The following EYS variants were observed in gnomAD, a reference collection of about 807,000 sequenced individuals.
The protein encoded by EYS is EGF-like photoreceptor maintenance factor, also known as protein eyes shut homolog.
In EYS, 250 loss-of-function variants were observed where a neutral mutation model predicts 282.1. That is an observed-to-expected ratio of 0.89 (90% CI 0.80 to 0.98). EYS has a LOEUF of 0.98. EYS is among the 50% of genes least tolerant of loss of function. The probability of loss-of-function intolerance (pLI) is 0.00; values close to 1 mark genes in which losing one functional copy is unlikely to be tolerated. For synonymous variants in EYS, 1,355 were observed against 1,282.9 expected (o/e 1.06, Z -1.20); for missense variants, 4,016 against 3,709.0 (o/e 1.08, Z -2.15).
chr6:64,062,146 A>G (rs1771198655), intron 33 of EYS, among the ~76,000 whole-genome samples: 1 of 152,150 alleles, frequency 6.6e-6, no homozygotes, highest in African/African-American at 2.4e-5. Context: ...ATTAAGTTGG[A>G]AAAAGCCGTA....
At chr6:64,039,799 T>C (rs1770298035) in intron 33 of EYS, among the ~76,000 whole-genome samples, 2 of 152,180 alleles carry the variant, frequency 1.3e-5, no homozygotes, top group South Asian at 4.1e-4. Flanking sequence ...TTCTCCACAA[T>C]TTTTAGAAAA....
At chr6:63,930,623 C>T (rs902678424) in intron 35 of EYS, among the ~76,000 whole-genome samples, 1 of 151,974 alleles carries the variant, frequency 6.6e-6, no homozygotes, top group Admixed American at 6.6e-5. Context: ...AAAGAAGAAA[C>T]TTATAAAGAA....
intron 22 of EYS, among the ~76,000 whole-genome samples, chr6:64,709,342 T>C (rs1771132884): frequency 6.6e-6 from 1 of 152,176 alleles, no homozygotes; most frequent in African/African-American, 2.4e-5. Context: ...ATCACTATCC[T>C]AAGCTTAAAA....
intron 22 of EYS, among the ~76,000 whole-genome samples, chr6:64,726,135 C>A (rs1478139756): frequency 8.7e-6 from 1 of 115,014 alleles, no homozygotes. Flanking sequence ...CTCTGCCAAA[C>A]AAAATTCAAC....
intron 35 of EYS, among the ~76,000 whole-genome samples, chr6:63,867,486 A>G (rs1013632844): frequency 1.3e-5 from 2 of 152,148 alleles, no homozygotes; most frequent in East Asian, 1.9e-4. Flanking sequence ...CCAGAGGACC[A>G]TATTTATTTT....
rs565630353 is a variant in EYS at position 65,691,433 on chromosome 6, G to GT, written c.-448+15701dup. On this transcript the variant is annotated intron_variant, in intron 1 of 42. Coordinates refer to ENST00000503581, the MANE Select transcript of EYS (RefSeq NM_001142800.2). ...TGCCTACTTTTTGATAGGGTTGTTT[G>GT]TTTTTTTACTGTAAATTTGTTTAAG... Among the ~76,000 whole-genome samples the GT allele has an allele frequency of 1.9e-3, 290 of 150,242 alleles. 16 individuals carry two copies. The highest frequency in any genetic ancestry group is 3.4e-3 in the Middle Eastern group (1 of 292).
chr6:64,997,357 A>ATAATATT (rs1489887677), intron 14 of EYS, among the ~76,000 whole-genome samples: 1 of 152,166 alleles, frequency 6.6e-6, no homozygotes, highest in Non-Finnish European at 1.5e-5. Flanking sequence ...AGTTTGTTAT[A>ATAATATT]TAATATTTAA....
intron 35 of EYS, among the ~76,000 whole-genome samples, chr6:63,890,683 G>T (rs1435132734): frequency 6.6e-6 from 1 of 152,112 alleles, no homozygotes; most frequent in Non-Finnish European, 1.5e-5. Context: ...AGAATTAAAA[G>T]AACTAGAGAA....
intron 2 of EYS, among the ~76,000 whole-genome samples, chr6:65,638,574 C>T (rs1767170181): frequency 6.6e-6 from 1 of 152,200 alleles, no homozygotes; most frequent in Non-Finnish European, 1.5e-5. Flanking sequence ...CTCATCCAGA[C>T]ACAGGTGCCC....
At chr6:63,953,386 C>A (rs1415670686) in intron 35 of EYS, among the ~76,000 whole-genome samples, 2 of 152,262 alleles carry the variant, frequency 1.3e-5, no homozygotes, top group East Asian at 3.9e-4. Flanking sequence ...CAACAGGACA[C>A]CCTCCTGCTC....
At chr6:64,842,700 C>T (rs1286331670) in intron 19 of EYS, among the ~76,000 whole-genome samples, 1 of 151,990 alleles carries the variant, frequency 6.6e-6, no homozygotes, top group Non-Finnish European at 1.5e-5. Flanking sequence ...ACTGGTGGTA[C>T]TTTGGACCTG....
Position 65,673,916 on chromosome 6 carries a change from T to C in EYS, c.-448+33219A>G, listed in dbSNP as rs543591651. Among the ~76,000 whole-genome samples the C allele has an allele frequency of 1.1e-4, 17 of 152,056 alleles. No homozygotes were observed. In the Middle Eastern group the frequency reaches 0.017, roughly 152 times the overall value. The stretch of plus-strand genomic sequence containing the variant: ...GATATGAGTAAAGTCAATTTGCCAG[T>C]CCTGGGCAGGGGCAAATCCCCAAGC... On this transcript the variant is annotated intron_variant, in intron 1 of 42. Coordinates refer to ENST00000503581, the MANE Select transcript of EYS (RefSeq NM_001142800.2).
At chr6:63,802,672 T>C (rs1257035830) in intron 37 of EYS, among the ~76,000 whole-genome samples, 1 of 152,080 alleles carries the variant, frequency 6.6e-6, no homozygotes, top group African/African-American at 2.4e-5. Context: ...ATATTCAATA[T>C]ACATGATTCA....
intron 31 of EYS, among the ~76,000 whole-genome samples, chr6:64,219,380 TAGTC>T (rs1766022922): frequency 6.6e-6 from 1 of 152,234 alleles, no homozygotes; most frequent in African/African-American, 2.4e-5. Flanking sequence ...AACATTTCAA[TAGTC>T]AGTGTTAGAA....
At chr6:64,636,585 C>G (rs904212740) in intron 22 of EYS, among the ~76,000 whole-genome samples, 4 of 152,092 alleles carry the variant, frequency 2.6e-5, no homozygotes. Context: ...CCAAAATTGA[C>G]AAATGGGATC....
chr6:65,355,544 T>C (rs1006215682), intron 8 of EYS, among the ~76,000 whole-genome samples: 1 of 151,876 alleles, frequency 6.6e-6, no homozygotes, highest in Non-Finnish European at 1.5e-5. Flanking sequence ...AACCTTCAGA[T>C]TGGGAGAAAA....
intron 26 of EYS, among the ~76,000 whole-genome samples, chr6:64,511,445 A>G (rs948246471): frequency 1.3e-4 from 20 of 152,120 alleles, no homozygotes; most frequent in African/African-American, 4.3e-4. Flanking sequence ...ACAATCAAAA[A>G]GATCTGGGAA....
Position 63,753,144 on chromosome 6 carries a change from A to G in EYS, c.8071+9317T>C, listed in dbSNP as rs891371207. Among the ~76,000 whole-genome samples, 707 of 74,412 alleles carry G rather than the reference A, an allele frequency of 9.5e-3. 2 individuals carry two copies. The highest frequency in any genetic ancestry group is 0.032 in the African/African-American group (445 of 13,884). The allele number at this position is 74,412 out of a possible 152,430, so 48.8% of individuals were successfully genotyped here. A position where few individuals can be genotyped will look rare whatever the true frequency, so the allele number is the denominator to read the frequency against. On this transcript the variant is annotated intron_variant, in intron 41 of 42. Transcript: ENST00000503581. ...TGTGTGTGTATGTGTGTGTGTGTAT[A>G]TATATATATATATATATATATATGT...
At chr6:63,973,501 C>T (rs1448325138) in intron 35 of EYS, among the ~76,000 whole-genome samples, 1 of 152,036 alleles carries the variant, frequency 6.6e-6, no homozygotes, top group East Asian at 1.9e-4. Context: ...TAGAATTTAT[C>T]CTGTCTTTAT....
Sources: gnomAD v4.1 joint callset for allele counts (sites outside exome capture counted in the v4.1 genomes callset) on GRCh38, gnomAD v4.1.1 for gene constraint, MANE v1.5 for transcripts, NCBI Gene and HGNC (gene_info 2026-07-23, HGNC 2026-07-21) for gene names.